The following FPR3 variants were observed in gnomAD, a reference collection of about 807,000 sequenced individuals.
FPR3 encodes N-formyl peptide receptor 3.
For missense variants in FPR3, 346 were observed against 443.2 expected, an observed-to-expected ratio of 0.78 and a Z score of 1.97; for synonymous variants, 135 against 163.6, an observed-to-expected ratio of 0.83 and a Z score of 1.34.
intron 1 of FPR3, among the ~76,000 whole-genome samples, chr19:51,813,462 T>C (rs1162852230): frequency 2.0e-5 from 3 of 152,086 alleles, no homozygotes; most frequent in Non-Finnish European, 4.4e-5. Context: ...AAGGATGTCA[T>C]GTTTCAGTGG....
chr19:51,823,785 G>C lies in FPR3; in HGVS notation c.37G>C (p.Glu13Gln). The C allele has an allele frequency of 1.9e-6, 3 of 1,609,554 alleles. No homozygotes were observed. Among genetic ancestry groups the C allele is most frequent in the Non-Finnish European group, 2.5e-6 (3 of 1,177,554 alleles). Residue 13 changes from glutamate to glutamine, a missense_variant, in exon 2 of 2, where the codon GAG becomes CAG. Transcript: ENST00000339223. ...CTTCTCCATTCCTCTGAATGAAACT[G>C]AGGAGGTGCTCCCTGAGCCTGCTGG... ...TNFSIPLNETEEVLPEPAGHT... is the reference protein window; with the variant it reads ...TNFSIPLNETQEVLPEPAGHT...
intron 1 of FPR3, among the ~76,000 whole-genome samples, chr19:51,800,468 G>A (rs183230672): frequency 1.4e-4 from 21 of 152,344 alleles, no homozygotes; most frequent in Non-Finnish European, 1.5e-5. Context: ...CTGGGTGGGA[G>A]AGGTCTGGAA....
rs1477884089 is a variant in FPR3, at chr19:51,823,928, C to A, written c.180C>A (p.Asn60Lys). 1 of 1,614,038 alleles carries A rather than the reference C, an allele frequency of 6.2e-7. No homozygotes were observed. Among genetic ancestry groups the A allele is most frequent in the South Asian group, 1.1e-5 (1 of 91,084 alleles). Residue 60 changes from asparagine (N) to lysine (K), a missense_variant, in exon 2 of 2, where the codon AAC becomes AAA. Asn to Lys is a moderately conservative substitution (Grantham distance 94). Coordinates refer to ENST00000339223, the MANE Select transcript of FPR3 (RefSeq NM_002030.5). ...VAGFRMTRTV[N>K]TICYLNLALA... ...GATTCCGGATGACACGCACAGTCAA[C>A]ACCATCTGTTACCTGAACCTGGCCC...
chr19:51,799,136 C>A (rs76926569), intron 1 of FPR3, among the ~76,000 whole-genome samples: 1 of 152,048 alleles, frequency 6.6e-6, no homozygotes, highest in African/African-American at 2.4e-5. Flanking sequence ...ACTTGAAGTG[C>A]GCCACACCCC....
chr19:51,796,210 C>A (rs181206663), intron 1 of FPR3, among the ~76,000 whole-genome samples: 3 of 152,154 alleles, frequency 2.0e-5, no homozygotes, highest in Admixed American at 2.0e-4. Flanking sequence ...ACGAAGAGCA[C>A]GGTAGGCAGA....
rs753183767 is a variant in FPR3 at position 51,824,479 on chromosome 19, C to T, written c.731C>T (p.Ala244Val). The change falls in exon 2 of 2, where the codon GCT becomes GTT. Residue 244 changes from alanine (A) to valine (V), a missense_variant. Coordinates refer to ENST00000339223, the MANE Select transcript of FPR3 (RefSeq NM_002030.5). This position sits in a 1 kb window ranked among gnomAD's most constrained non-coding sequence, Gnocchi z 4.7. ...IKSSRPLRVF[A>V]AVVASFFICW... ...TCCAGCCGTCCCTTACGTGTCTTCG[C>T]TGCTGTGGTGGCTTCTTTCTTCATC... 2.5e-6 allele frequency: 4 copies of T among 1,614,088 alleles called. No homozygotes were observed. Among genetic ancestry groups the T allele is most frequent in the Non-Finnish European group, 3.4e-6 (4 of 1,180,000 alleles).
intron 1 of FPR3, among the ~76,000 whole-genome samples, chr19:51,804,292 C>T (rs1313847103): frequency 6.6e-6 from 1 of 151,938 alleles, no homozygotes; most frequent in Non-Finnish European, 1.5e-5. Flanking sequence ...AAGTACTGGG[C>T]AGAATCCAGA....
intron 1 of FPR3, among the ~76,000 whole-genome samples, chr19:51,798,205 A>T (rs191872819): frequency 1.4e-3 from 207 of 151,982 alleles, no homozygotes; most frequent in African/African-American, 4.7e-3. Context: ...TTACAGTGAC[A>T]CCCAACTGGC....
chr19:51,820,098 A>G (rs2084177016), intron 1 of FPR3, among the ~76,000 whole-genome samples: 1 of 152,208 alleles, frequency 6.6e-6, no homozygotes, highest in Non-Finnish European at 1.5e-5. Flanking sequence ...AAATTCAGCC[A>G]AGGCCATCAG....
chr19:51,823,518 C>G (rs534866689), intron 1 of FPR3, among the ~76,000 whole-genome samples: 1 of 152,236 alleles, frequency 6.6e-6, no homozygotes, highest in South Asian at 2.1e-4. Context: ...TCTTGGTAAT[C>G]AGCTTGATAG....
intron 1 of FPR3, among the ~76,000 whole-genome samples, chr19:51,818,648 G>T (rs911166722): frequency 2.0e-5 from 3 of 152,168 alleles, no homozygotes; most frequent in African/African-American, 7.2e-5. Flanking sequence ...GAAAACTCCA[G>T]AGGAAGATCA....
At chr19:51,796,013 C>A (rs377186796) in intron 1 of FPR3, among the ~76,000 whole-genome samples, 5 of 152,084 alleles carry the variant, frequency 3.3e-5, no homozygotes, top group Admixed American at 2.6e-4. Context: ...GTGGAGCTTA[C>A]GTACTAGTGT....
intron 1 of FPR3, among the ~76,000 whole-genome samples, chr19:51,808,826 T>C (rs768844783): frequency 6.6e-6 from 1 of 152,188 alleles, no homozygotes; most frequent in Non-Finnish European, 1.5e-5. Flanking sequence ...AAACAAACAC[T>C]GGAGAATTCC....
intron 1 of FPR3, among the ~76,000 whole-genome samples, chr19:51,805,717 C>G (rs144526787): frequency 6.6e-6 from 1 of 152,156 alleles, no homozygotes; most frequent in Non-Finnish European, 1.5e-5. Flanking sequence ...CAATTCTCTA[C>G]GTACTGAGCC....
At chr19:51,795,965 A>G (rs1568425662) in intron 1 of FPR3, among the ~76,000 whole-genome samples, 1 of 152,210 alleles carries the variant, frequency 6.6e-6, no homozygotes, top group Non-Finnish European at 1.5e-5. Flanking sequence ...GACATGTAGC[A>G]TTGTAGAGAT....
rs1249255339 is a variant in FPR3, at chr19:51,823,771, C to T, written c.23C>T (p.Pro8Leu). The change falls in exon 2 of 2, where the codon CCT becomes CTT. Residue 8 changes from proline to leucine, a missense_variant. Coordinates refer to ENST00000339223, the MANE Select transcript of FPR3 (RefSeq NM_002030.5). METNFSI[P>L]LNETEEVLPE... is the part of the protein sequence containing the mutation. ...AAGATGGAAACCAACTTCTCCATTC[C>T]TCTGAATGAAACTGAGGAGGTGCTC... 6.3e-7 allele frequency: 1 copy of T among 1,599,058 alleles called. No individual in the cohort carries two copies. Among genetic ancestry groups the T allele is most frequent in the African/African-American group, 1.3e-5 (1 of 74,406 alleles).
rs538898217 is a variant in FPR3 at position 51,824,860 on chromosome 19, A to G, written c.*50A>G. On this transcript the variant is annotated 3_prime_UTR_variant, in exon 2 of 2. Coordinates refer to ENST00000339223, the MANE Select transcript of FPR3 (RefSeq NM_002030.5). The surrounding 1 kb of genome is among the most constrained non-coding windows in gnomAD (Gnocchi z 4.7). Reference sequence around the variant, plus strand: ...TCTCTTTCTACCCTGCGTTAAGCGGAAAAAAAAAATTCTGACAGTGTTTTT... The same window carrying G: ...TCTCTTTCTACCCTGCGTTAAGCGGGAAAAAAAAATTCTGACAGTGTTTTT... 7.0e-6 allele frequency: 9 copies of G among 1,278,662 alleles called. No individual in the cohort carries two copies. The highest frequency in any genetic ancestry group is 1.9e-4 in the Middle Eastern group (1 of 5,146). 79.2% of individuals were successfully genotyped at this position (1,278,662 alleles called of 1,614,324 possible). A position where few individuals can be genotyped will look rare whatever the true frequency, so the allele number is the denominator to read the frequency against.
Position 51,799,285 on chromosome 19 carries a change from G to A in FPR3, c.-11+3954G>A, listed in dbSNP as rs534234035. Among the ~76,000 whole-genome samples the A allele has an allele frequency of 6.5e-4, 99 of 152,180 alleles. 1 individual carries two copies. The South Asian group carries it at 8.1e-3, about 12-fold the overall frequency. On this transcript the variant is annotated intron_variant, in intron 1 of 1. Transcript: ENST00000339223. The stretch of plus-strand genomic sequence containing the variant: ...CCTCTCGAACTTTAACACTGTCGTC[G>A]CCTCATTGAAGCCGCACCCACAATC...
chr19:51,798,272 G>A (rs1239788204), intron 1 of FPR3, among the ~76,000 whole-genome samples: 1 of 152,106 alleles, frequency 6.6e-6, no homozygotes, highest in Non-Finnish European at 1.5e-5. Context: ...AATGTCTTTT[G>A]GTTGTCACTC....
Sources: gnomAD v4.1 joint callset for allele counts (sites outside exome capture counted in the v4.1 genomes callset) on GRCh38, gnomAD v4.1.1 for gene constraint, Gnocchi (gnomAD v3.1) non-coding constraint, MANE v1.5 for transcripts, NCBI Gene and HGNC (gene_info 2026-07-23, HGNC 2026-07-21) for gene names.